Variants in DCP1B observed in about 807,000 individuals in gnomAD.
DCP1B encodes decapping mRNA 1B.
DCP1B carries 47 observed loss-of-function variants against 60.5 expected under a neutral mutation model. That is an observed-to-expected ratio of 0.78 (90% CI 0.61 to 0.99). The LOEUF (loss-of-function observed/expected upper bound fraction) is 0.99. Among genes scored for constraint, DCP1B ranks in the 50% least tolerant of loss-of-function variants. The pLI, the probability that DCP1B is intolerant of heterozygous loss-of-function variation, is 0.00. For synonymous variants in DCP1B, 267 were observed against 280.3 expected (o/e 0.95, Z 0.47); for missense variants, 725 against 756.8 (o/e 0.96, Z 0.49).
chr12:1,960,165 A>G (rs1398863577), intron 5 of DCP1B, among the ~76,000 whole-genome samples: 2 of 152,246 alleles, frequency 1.3e-5, no homozygotes, highest in Non-Finnish European at 2.9e-5. Flanking sequence ...ATGAATGGAT[A>G]AAGAAAATGT....
rs561993835 is a variant in DCP1B at position 1,978,166 on chromosome 12, G to A, written c.320-10256C>T. On this transcript the variant is annotated intron_variant, in intron 3 of 8. Transcript: ENST00000280665. ...TGACCATGGGGAGAAAGCAGATGTC[G>A]CAACCCAGAGAAAGGGGGCATAGCC... Among the ~76,000 whole-genome samples the A allele has an allele frequency of 4.6e-5, 7 of 152,250 alleles. No individual in the cohort carries two copies. The East Asian group carries it at 9.6e-4, about 21-fold the overall frequency.
intron 6 of DCP1B, among the ~76,000 whole-genome samples, chr12:1,954,825 A>G (rs1309155782): frequency 6.6e-6 from 1 of 152,158 alleles, no homozygotes; most frequent in Non-Finnish European, 1.5e-5. Context: ...TGTTTCTGTC[A>G]TCTCTGACAA....
At chr12:1,981,045 A>G (rs2035979332) in intron 3 of DCP1B, among the ~76,000 whole-genome samples, 1 of 152,098 alleles carries the variant, frequency 6.6e-6, no homozygotes, top group Non-Finnish European at 1.5e-5. Context: ...TAAAACTAAC[A>G]TTTTCCCACA....
intron 3 of DCP1B, among the ~76,000 whole-genome samples, chr12:1,977,373 T>G (rs2034735266): frequency 6.6e-6 from 1 of 152,176 alleles, no homozygotes; most frequent in Admixed American, 6.5e-5. Flanking sequence ...GGAAGACATT[T>G]TGGAAAGCTC....
chr12:1,959,986 G>A (rs905763087), intron 5 of DCP1B, among the ~76,000 whole-genome samples: 3 of 151,830 alleles, frequency 2.0e-5, no homozygotes, highest in Admixed American at 1.3e-4. Context: ...ATTTATGTTG[G>A]CTCCTCAAAA....
intron 8 of DCP1B, among the ~76,000 whole-genome samples, chr12:1,947,585 G>A (rs2030484125): frequency 6.6e-6 from 1 of 152,188 alleles, no homozygotes; most frequent in African/African-American, 2.4e-5. Context: ...ACAATGTGAA[G>A]GGAATCAGCC....
intron 2 of DCP1B, among the ~76,000 whole-genome samples, chr12:1,993,933 G>A (rs1233586319): frequency 1.3e-5 from 2 of 152,174 alleles, no homozygotes; most frequent in African/African-American, 2.4e-5. Flanking sequence ...TGAGGACACA[G>A]CCTGAACTAG....
At chr12:1,997,568 T>C (rs2041241149) in intron 2 of DCP1B, among the ~76,000 whole-genome samples, 1 of 152,184 alleles carries the variant, frequency 6.6e-6, no homozygotes, top group East Asian at 1.9e-4. Context: ...TTCCAAATAT[T>C]AACTGAACAA....
intron 6 of DCP1B, among the ~76,000 whole-genome samples, chr12:1,954,322 C>A (rs1365144696): frequency 6.6e-6 from 1 of 152,056 alleles, no homozygotes; most frequent in Admixed American, 6.5e-5. Context: ...TAGAAGACTT[C>A]TTTTCTTTAA....
chr12:1,998,488 T>C (rs1305376701), intron 1 of DCP1B, among the ~76,000 whole-genome samples: 2 of 152,228 alleles, frequency 1.3e-5, no homozygotes, highest in African/African-American at 4.8e-5. Flanking sequence ...AGGGCAATGA[T>C]GCCACAGAGT....
chr12:1,958,650 A>G (rs537364734), intron 5 of DCP1B, among the ~76,000 whole-genome samples: 10 of 148,340 alleles, frequency 6.7e-5, no homozygotes, highest in East Asian at 2.1e-4. Context: ...AAGCTCCCCA[A>G]CGTCGCTCTG....
Position 2,004,408 on chromosome 12 carries a change from G to T in DCP1B, c.24C>A (p.Gly8=). Residue 8 remains glycine (G), a synonymous_variant, in exon 1 of 9, where the codon GGC becomes GGA. Transcript: ENST00000280665. The part of the protein sequence containing the change: MAAVAAG[G]LVGKGRDISL... ...TGATGTCGCGCCCCTTTCCCACCAG[G>T]CCGCCTGCCGCCACGGCTGCCATCT... 1 of 1,610,828 alleles carries T rather than the reference G, an allele frequency of 6.2e-7. No homozygotes were observed. Among genetic ancestry groups the T allele is most frequent in the Non-Finnish European group, 8.5e-7 (1 of 1,178,962 alleles).
chr12:1,988,644 C>T (rs1333296518), intron 3 of DCP1B, among the ~76,000 whole-genome samples: 3 of 152,152 alleles, frequency 2.0e-5, no homozygotes, highest in Non-Finnish European at 4.4e-5. Flanking sequence ...TTTTTACTGT[C>T]ATTTCAAGAG....
intron 7 of DCP1B, chr12:1,950,479 T>TA (rs2030626223): frequency 1.4e-6 from 1 of 692,982 alleles, no homozygotes; most frequent in Non-Finnish European, 2.6e-6. Flanking sequence ...CAGACATTTT[T>TA]AAAAAAGGGA....
intron 4 of DCP1B, among the ~76,000 whole-genome samples, 161 bp downstream of exon 4, chr12:1,967,683 T>C (rs1364973124): frequency 6.6e-6 from 1 of 152,228 alleles, no homozygotes; most frequent in Non-Finnish European, 1.5e-5. Context: ...TGTTCTTACG[T>C]CTAATTTTCA....
chr12:1,955,568 A>G lies in DCP1B; in HGVS notation c.523-8T>C. On this transcript the variant is annotated splice_region_variant and splice_polypyrimidine_tract_variant and intron_variant, in intron 5 of 8. Coordinates refer to ENST00000280665, the MANE Select transcript of DCP1B (RefSeq NM_152640.5). ...CTCAGAACAGGTTTTACACTGAAAT[A>G]GAAAAGAAAATCCCCTCATTTTTGG... is the stretch of plus-strand genomic sequence containing the variant. 1 of 1,607,124 alleles carries G rather than the reference A, an allele frequency of 6.2e-7. No homozygotes were observed.
intron 3 of DCP1B, among the ~76,000 whole-genome samples, chr12:1,980,209 T>C (rs1401312390): frequency 6.6e-6 from 1 of 152,188 alleles, no homozygotes; most frequent in Non-Finnish European, 1.5e-5. Flanking sequence ...AATTTGGAAA[T>C]AATTCAAGTA....
At chr12:1,951,589 T>C (rs946952972) in intron 7 of DCP1B, among the ~76,000 whole-genome samples, 1 of 152,154 alleles carries the variant, frequency 6.6e-6, no homozygotes, top group African/African-American at 2.4e-5. Flanking sequence ...GTGGGTGGCA[T>C]GCATACCTCT....
At chr12:1,983,577 C>T (rs11062042) in intron 3 of DCP1B, among the ~76,000 whole-genome samples, 26,100 of 151,820 alleles carry the variant, frequency 0.17, 2,416 homozygotes, top group African/African-American at 0.22. Flanking sequence ...TATTGTGGTC[C>T]CAAGAATATA....
Sources: allele counts gnomAD v4.1 joint callset (sites outside exome capture counted in the v4.1 genomes callset), GRCh38; gene constraint gnomAD v4.1.1; transcripts MANE v1.5; gene names NCBI Gene and HGNC (gene_info 2026-07-23, HGNC 2026-07-21).